Variants in KCNMB2 observed in about 807,000 individuals in gnomAD.
The protein encoded by KCNMB2 is potassium calcium-activated channel subfamily M regulatory beta subunit 2, also known as calcium-activated potassium channel subunit beta-2.
Under a neutral mutation model 24.5 loss-of-function variants are expected in KCNMB2, and 9 were observed. That is an observed-to-expected ratio of 0.37 (90% CI 0.22 to 0.64). KCNMB2 has a LOEUF of 0.64. Among genes scored for constraint, KCNMB2 ranks in the 30% least tolerant of loss-of-function variants. The pLI, the probability that KCNMB2 is intolerant of heterozygous loss-of-function variation, is 0.63. For missense variants in KCNMB2, 226 were observed against 284.3 expected (o/e 0.79, Z 1.47); for synonymous variants, 109 against 104.4 (o/e 1.04, Z -0.27).
At chr3:178,629,351 A>T (rs1179387796) in intron 1 of KCNMB2, among the ~76,000 whole-genome samples, 5 of 152,228 alleles carry the variant, frequency 3.3e-5, no homozygotes, top group Non-Finnish European at 5.9e-5. Context: ...AGGAAAAATT[A>T]ACAGGGAAAA....
chr3:178,757,227 T>C lies in KCNMB2; in HGVS notation c.-67-50116T>C, dbSNP rs181920766. 12 of 143,060 alleles carry C rather than the reference T, an allele frequency of 8.4e-5. No individual in the cohort carries two copies. The East Asian group carries it at 2.2e-3, about 27-fold the overall frequency. The allele number at this position is 143,060 out of a possible 1,614,324, so 8.9% of individuals were successfully genotyped here. On this transcript the variant is annotated intron_variant, in intron 1 of 4. Coordinates refer to ENST00000452583, the MANE Select transcript of KCNMB2 (RefSeq NM_181361.3). Reference sequence around the variant, plus strand: ...TACAATCAAAAATTACCAGTGAAAATTGTGGTACACACATACACACATATA... The same window carrying C: ...TACAATCAAAAATTACCAGTGAAAACTGTGGTACACACATACACACATATA...
intron 1 of KCNMB2, among the ~76,000 whole-genome samples, chr3:178,562,523 T>C (rs772728605): frequency 2.0e-5 from 3 of 152,248 alleles, no homozygotes; most frequent in South Asian, 4.1e-4. Flanking sequence ...AATGCTGTGT[T>C]CTACAAACCC....
intron 1 of KCNMB2, among the ~76,000 whole-genome samples, chr3:178,716,394 C>G (rs776303833): frequency 3.1e-4 from 47 of 151,844 alleles, no homozygotes; most frequent in Non-Finnish European, 6.0e-4. Context: ...GATAATTCAT[C>G]AGTGGTCACA....
chr3:178,761,284 C>T (rs1021282032), intron 1 of KCNMB2, among the ~76,000 whole-genome samples: 4 of 152,120 alleles, frequency 2.6e-5, no homozygotes, highest in Admixed American at 6.6e-5. Context: ...GGTGCCAGAG[C>T]AATAGTAGCA....
intron 2 of KCNMB2, among the ~76,000 whole-genome samples, chr3:178,817,203 T>A (rs1340967550): frequency 9.5e-6 from 1 of 105,778 alleles, no homozygotes; most frequent in Non-Finnish European, 1.9e-5. Context: ...GACAAAATCC[T>A]TCATGTTAAT....
intron 1 of KCNMB2, among the ~76,000 whole-genome samples, chr3:178,701,104 C>A (rs6443564): frequency 1.3e-5 from 2 of 152,062 alleles, no homozygotes; most frequent in Admixed American, 6.5e-5. Flanking sequence ...AACATTTAAG[C>A]CTTTAATCCA....
chr3:178,552,914 CAG>C (rs1332332986), intron 1 of KCNMB2, among the ~76,000 whole-genome samples: 6 of 152,156 alleles, frequency 3.9e-5, no homozygotes, highest in Non-Finnish European at 7.3e-5. Flanking sequence ...CTAACTAGTG[CAG>C]AGTTTGATGT....
chr3:178,559,638 TAAC>T (rs1228186727), intron 1 of KCNMB2, among the ~76,000 whole-genome samples: 3 of 149,758 alleles, frequency 2.0e-5, no homozygotes, highest in African/African-American at 7.4e-5. Flanking sequence ...CAAAAACATT[TAAC>T]AACACTATTA....
rs75716629 is a variant in KCNMB2 at position 178,659,195 on chromosome 3, C to T, written c.-68+122484C>T. Among the ~76,000 whole-genome samples, 1,488 of 152,290 alleles carry T rather than the reference C, an allele frequency of 9.8e-3. 32 individuals carry two copies. Among genetic ancestry groups the T allele is most frequent in the African/African-American group, 0.034 (1,415 of 41,552 alleles). On this transcript the variant is annotated intron_variant, in intron 1 of 4. Coordinates refer to ENST00000452583, the MANE Select transcript of KCNMB2 (RefSeq NM_181361.3). ...ATGTCTCCAGAATGGAGGCCAGATC[C>T]GATATGACAACTGCCAGGTGAAAAT... is the stretch of plus-strand genomic sequence containing the variant.
At chr3:178,818,067 A>C (rs1380284928) in intron 2 of KCNMB2, among the ~76,000 whole-genome samples, 1 of 152,086 alleles carries the variant, frequency 6.6e-6, no homozygotes, top group Non-Finnish European at 1.5e-5. Context: ...TGCTTTCCCT[A>C]CTTCTCTTCC....
chr3:178,694,690 T>C (rs976342260), intron 1 of KCNMB2, among the ~76,000 whole-genome samples: 3 of 152,254 alleles, frequency 2.0e-5, no homozygotes, highest in African/African-American at 7.2e-5. Context: ...AAATGATCTC[T>C]TTTAACTCCA....
intron 1 of KCNMB2, among the ~76,000 whole-genome samples, chr3:178,758,792 TATATATATATATCTCCAAGAGGG>T (rs1711509463): frequency 3.6e-4 from 2 of 5,492 alleles, no homozygotes; most frequent in African/African-American, 1.1e-3. Context: ...TATATATATA[TATATATATATATCTCCAAGAGGG>T]ATATATATAT....
chr3:178,583,104 ATG>A (rs957433685), intron 1 of KCNMB2, among the ~76,000 whole-genome samples: 4 of 152,280 alleles, frequency 2.6e-5, no homozygotes, highest in African/African-American at 9.6e-5. Flanking sequence ...AATATAATCT[ATG>A]TCTTAGGACT....
Position 178,679,692 on chromosome 3 carries a change from C to A in KCNMB2, c.-67-127651C>A, listed in dbSNP as rs73044287. 1.7e-3 allele frequency among the ~76,000 whole-genome samples: 251 copies of A among 152,116 alleles called. 1 individual carries two copies. The highest frequency in any genetic ancestry group is 5.8e-3 in the African/African-American group (240 of 41,480). On this transcript the variant is annotated intron_variant, in intron 1 of 4. Transcript: ENST00000452583. ...CTTTGGAAACAAAGAGAAGTTACAC[C>A]CAAGTTCATGTCCACTTGCCCTGTC...
chr3:178,773,745 G>A (rs1363631270), intron 1 of KCNMB2, among the ~76,000 whole-genome samples: 2 of 152,176 alleles, frequency 1.3e-5, no homozygotes, highest in Non-Finnish European at 2.9e-5. Context: ...TGTGAGGTAA[G>A]GAGCTCTCTA....
intron 1 of KCNMB2, among the ~76,000 whole-genome samples, chr3:178,666,741 A>G (rs549805864): frequency 6.6e-6 from 1 of 152,182 alleles, no homozygotes; most frequent in Non-Finnish European, 1.5e-5. Flanking sequence ...CCTGCTCTCC[A>G]GCGTTTCCTG....
intron 1 of KCNMB2, among the ~76,000 whole-genome samples, chr3:178,755,553 T>C (rs936284940): frequency 3.3e-5 from 5 of 152,218 alleles, no homozygotes; most frequent in African/African-American, 1.2e-4. Context: ...AAACAAAATG[T>C]CAATGTTATT....
intron 1 of KCNMB2, among the ~76,000 whole-genome samples, chr3:178,673,726 G>A (rs1560159866): frequency 6.6e-6 from 1 of 152,122 alleles, no homozygotes; most frequent in Non-Finnish European, 1.5e-5. Context: ...AGTCTTTCAA[G>A]AATCTTTTCT....
At position 178,599,997 on chromosome 3, in the gene KCNMB2, C is replaced by T. The variant is rs565737314; in HGVS notation, c.-68+63286C>T. 3.3e-5 allele frequency among the ~76,000 whole-genome samples: 5 copies of T among 152,300 alleles called. No individual in the cohort carries two copies. The East Asian group carries it at 7.7e-4, about 24-fold the overall frequency. On this transcript the variant is annotated intron_variant, in intron 1 of 4. Transcript: ENST00000452583. ...GGTTTAAACGATTCTCCTGCCTCAG[C>T]CTCCCAAGTAGCTGGGATTACAGGT... is the stretch of plus-strand genomic sequence containing the variant.
Sources: allele counts gnomAD v4.1 joint callset (sites outside exome capture counted in the v4.1 genomes callset), GRCh38; gene constraint gnomAD v4.1.1; transcripts MANE v1.5; gene names NCBI Gene and HGNC (gene_info 2026-07-23, HGNC 2026-07-21).